The following KIAA0930 variants were observed in gnomAD, a reference collection of about 807,000 sequenced individuals.
KIAA0930 encodes the protein uncharacterized protein KIAA0930.
Under a neutral mutation model 43.9 loss-of-function variants are expected in KIAA0930, and 24 were observed. The ratio of observed to expected loss-of-function variants is 0.55; its 90% CI spans 0.40 to 0.77. The LOEUF (loss-of-function observed/expected upper bound fraction) is 0.77. Among genes scored for constraint, KIAA0930 ranks in the 30% least tolerant of loss-of-function variants. KIAA0930 has a pLI of 0.00. For synonymous variants in KIAA0930, 259 were observed against 216.4 expected, an observed-to-expected ratio of 1.20 and a Z score of -1.73; for missense variants, 461 against 574.2, an observed-to-expected ratio of 0.80 and a Z score of 2.02.
intron 1 of KIAA0930, among the ~76,000 whole-genome samples, chr22:45,234,289 T>C (rs910651638): frequency 6.6e-6 from 1 of 151,946 alleles, no homozygotes; most frequent in African/African-American, 2.4e-5. Flanking sequence ...GGTCCTCCGA[T>C]GGGGAAGAGG....
chr22:45,216,323 C>A (rs1029142491), intron 1 of KIAA0930, among the ~76,000 whole-genome samples: 1 of 152,146 alleles, frequency 6.6e-6, no homozygotes, highest in African/African-American at 2.4e-5. Context: ...AACCTGCCAC[C>A]CTCCCAGAAT....
At chr22:45,208,099 C>T (rs894385481) in intron 2 of KIAA0930, among the ~76,000 whole-genome samples, 7 of 152,146 alleles carry the variant, frequency 4.6e-5, no homozygotes, top group African/African-American at 1.7e-4. Context: ...CGCACCAAAG[C>T]CAGGCCCAAG....
intron 2 of KIAA0930, chr22:45,207,808 G>C (rs558166015): frequency 5.9e-6 from 1 of 169,752 alleles, no homozygotes; most frequent in East Asian, 1.9e-4. Context: ...ACCTTGCCTA[G>C]GAGCGAGAAA....
At chr22:45,240,478 G>A (rs533151713) in intron 1 of KIAA0930, among the ~76,000 whole-genome samples, 162 bp downstream of exon 1, 1 of 152,058 alleles carries the variant, frequency 6.6e-6, no homozygotes, top group East Asian at 1.9e-4. Flanking sequence ...GGACGGTGGG[G>A]GGGGGGCCAT....
Position 45,200,027 on chromosome 22 carries a change from G to A in KIAA0930, c.861C>T (p.Ser287=). The change falls in exon 8 of 10, where the codon TCC becomes TCT. Residue 287 remains serine (S), a synonymous_variant. Transcript: ENST00000336156. ...PASPMHERVT[S]FSTPPTPERN... ...GTTCTGGGGTGGGGGGTGTGCTGAA[G>A]GAGGTCACCTGGGAACAAGCAGCCA... 1 of 1,590,974 alleles carries A rather than the reference G, an allele frequency of 6.3e-7. No individual in the cohort carries two copies. The highest frequency in any genetic ancestry group is 8.6e-7 in the Non-Finnish European group (1 of 1,169,026).
At chr22:45,210,826 C>CTGCCT (rs1555898917) in intron 2 of KIAA0930, among the ~76,000 whole-genome samples, 4 of 151,758 alleles carry the variant, frequency 2.6e-5, no homozygotes, top group Non-Finnish European at 3.0e-5. Flanking sequence ...CCTGCACACC[C>CTGCCT]GCCACTGAAA....
chr22:45,212,240 T>G (rs376185299), intron 1 of KIAA0930, 133 bp from the exon 2 acceptor site: 1 of 1,612,506 alleles, frequency 6.2e-7, no homozygotes, highest in Non-Finnish European at 8.5e-7. Context: ...TGCGCCACCC[T>G]TCCCTCACCA....
intron 1 of KIAA0930, chr22:45,226,457 G>T: frequency 2.5e-6 from 1 of 399,214 alleles, no homozygotes; most frequent in South Asian, 1.9e-5. Flanking sequence ...CTGGATTGGG[G>T]CTCCCATAAA....
intron 2 of KIAA0930, among the ~76,000 whole-genome samples, chr22:45,207,029 C>T (rs1374047009): frequency 6.0e-5 from 9 of 150,696 alleles, no homozygotes; most frequent in South Asian, 2.1e-4. Flanking sequence ...TGTTTTGAGA[C>T]GGAGTCTCGC....
intron 1 of KIAA0930, among the ~76,000 whole-genome samples, chr22:45,240,275 A>G (rs1323643657): frequency 1.3e-5 from 2 of 152,130 alleles, no homozygotes; most frequent in Middle Eastern, 3.2e-3. Flanking sequence ...CCACGCCCAC[A>G]CTCCCTACCG....
At chr22:45,213,452 AC>A in intron 1 of KIAA0930, 1 of 1,267,562 alleles carries the variant, frequency 7.9e-7, no homozygotes, top group South Asian at 1.3e-5. Context: ...AGGAGAGCCC[AC>A]GGGACTGGCA....
At chr22:45,199,591 T>A (rs2083568545) in intron 8 of KIAA0930, among the ~76,000 whole-genome samples, 1 of 152,162 alleles carries the variant, frequency 6.6e-6, no homozygotes, top group South Asian at 2.1e-4. Context: ...CTTAGAAAGG[T>A]GGGAAATCCC....
intron 7 of KIAA0930, among the ~76,000 whole-genome samples, chr22:45,200,802 T>C (rs189794681): frequency 1.1e-3 from 165 of 152,216 alleles, no homozygotes; most frequent in African/African-American, 3.6e-3. Flanking sequence ...GTGACAACCA[T>C]AGACAGCATG....
intron 1 of KIAA0930, among the ~76,000 whole-genome samples, chr22:45,231,939 C>G (rs1002149513): frequency 6.6e-6 from 1 of 152,156 alleles, no homozygotes; most frequent in Admixed American, 6.5e-5. Flanking sequence ...TGCAGTGAGC[C>G]GAGATCGCGC....
chr22:45,230,127 G>T (rs115340315), intron 1 of KIAA0930, among the ~76,000 whole-genome samples: 29 of 152,204 alleles, frequency 1.9e-4, no homozygotes, highest in African/African-American at 6.8e-4. Flanking sequence ...CAGGTGGGGA[G>T]AGGAGACAGC....
At chr22:45,200,263 A>G in intron 7 of KIAA0930, 1 of 444,786 alleles carries the variant, frequency 2.2e-6, no homozygotes, top group Non-Finnish European at 3.9e-6. Context: ...GTGCTACCCG[A>G]GGAGGGGCCA....
At position 45,240,660 on chromosome 22, in the gene KIAA0930, C is replaced by T. The variant is rs1410485064; in HGVS notation, c.44G>A (p.Arg15His). 3.9e-6 allele frequency: 6 copies of T among 1,527,918 alleles called. No homozygotes were observed. Among genetic ancestry groups the T allele is most frequent in the Non-Finnish European group, 5.2e-6 (6 of 1,143,786 alleles). The allele number at this position is 1,527,918 out of a possible 1,614,324, so 94.6% of individuals were successfully genotyped here. A position where few individuals can be genotyped will look rare whatever the true frequency, so the allele number is the denominator to read the frequency against. ...IAEERGRLSLRREVCGLGCFK... is the reference protein window; with the variant it reads ...IAEERGRLSLHREVCGLGCFK... ...CTCACCGAGGCCGCAGACCTCGCGG[C>T]GCAGGCTAAGACGGCCGCGCTCCTC... Residue 15 changes from arginine (R) to histidine (H), a missense_variant, in exon 1 of 10, where the codon CGC (arginine) becomes CAC (histidine). Coordinates refer to ENST00000336156, the MANE Select transcript of KIAA0930 (RefSeq NM_001009880.2).
chr22:45,205,301 G>A lies in KIAA0930; in HGVS notation c.432C>T (p.Pro144=). The A allele has an allele frequency of 1.2e-6, 2 of 1,613,888 alleles. No individual in the cohort carries two copies. The highest frequency in any genetic ancestry group is 1.7e-6 in the Non-Finnish European group (2 of 1,179,820). The change falls in exon 5 of 10, where the codon CCC becomes CCT. Residue 144 remains proline, a synonymous_variant. Transcript: ENST00000336156. ...KKKSQQVFAS[P]SKHPMDSKGE... Reference sequence around the variant, plus strand: ...CCTTGCTGTCCATGGGGTGTTTACTGGGGGACGCGAACACTTGCTGGAAGA... The same window carrying A: ...CCTTGCTGTCCATGGGGTGTTTACTAGGGGACGCGAACACTTGCTGGAAGA...
chr22:45,202,705 G>A (rs991683239), intron 7 of KIAA0930: 17 of 330,188 alleles, frequency 5.1e-5, no homozygotes, highest in Non-Finnish European at 7.2e-5. Flanking sequence ...CAGGGAGGCA[G>A]AAAGAGCTCT....
Sources: allele counts gnomAD v4.1 joint callset (sites outside exome capture counted in the v4.1 genomes callset), GRCh38; gene constraint gnomAD v4.1.1; transcripts MANE v1.5; gene names NCBI Gene and HGNC (gene_info 2026-07-23, HGNC 2026-07-21).